The following DYNLL1 variants were observed in gnomAD, a reference collection of about 807,000 sequenced individuals.
DYNLL1 encodes dynein light chain LC8-type 1.
DYNLL1 carries 3 observed loss-of-function variants against 10.1 expected under a neutral mutation model. The observed-to-expected ratio is 0.30, with a 90% confidence interval of 0.14 to 0.77. The LOEUF (loss-of-function observed/expected upper bound fraction) is 0.77, where lower values mean the gene tolerates loss of function less well. Among genes scored for constraint, DYNLL1 ranks in the 30% least tolerant of loss-of-function variants. The probability of loss-of-function intolerance (pLI) is 0.66; values close to 1 mark genes in which losing one functional copy is unlikely to be tolerated. For missense variants in DYNLL1, 47 were observed against 111.7 expected (o/e 0.42, Z 2.61); for synonymous variants, 46 against 41.2 (o/e 1.12, Z -0.45).
upstream of DYNLL1, chr12:120,495,935 A>T (rs1868369780): frequency 4.8e-6 from 1 of 207,850 alleles, no homozygotes; most frequent in Non-Finnish European, 9.9e-6. Context: ...TGAGCGGTGC[A>T]TTGTGGTCTG....
intron 1 of DYNLL1, among the ~76,000 whole-genome samples, chr12:120,470,569 G>A (rs1016035439): frequency 6.6e-6 from 1 of 152,130 alleles, no homozygotes; most frequent in Non-Finnish European, 1.5e-5. Flanking sequence ...CTGGACTCAG[G>A]TGATCCTCCC....
chr12:120,484,163 A>G (rs370651802), intron 1 of DYNLL1, among the ~76,000 whole-genome samples: 1 of 152,122 alleles, frequency 6.6e-6, no homozygotes, highest in Non-Finnish European at 1.5e-5. Context: ...ATATGACAGC[A>G]TGTTTGCACG....
At chr12:120,487,209 G>A (rs944637193) in intron 1 of DYNLL1, among the ~76,000 whole-genome samples, 3 of 139,768 alleles carry the variant, frequency 2.1e-5, no homozygotes, top group African/African-American at 5.4e-5. Flanking sequence ...CTCTGACCTC[G>A]TGATCCACCC....
chr12:120,497,956 A>G (rs1868511997), intron 2 of DYNLL1, 117 bp from the exon 3 acceptor site: 1 of 1,005,040 alleles, frequency 9.9e-7, no homozygotes, highest in Non-Finnish European at 1.4e-6. Flanking sequence ...TTTCATTCTA[A>G]GAATTTGCAG....
intron 1 of DYNLL1, among the ~76,000 whole-genome samples, chr12:120,477,801 TA>T (rs1232433039): frequency 2.0e-5 from 3 of 151,588 alleles, no homozygotes; most frequent in South Asian, 4.2e-4. Flanking sequence ...AATATATATA[TA>T]TTTTTTTTTC....
chr12:120,473,596 G>A (rs1172494350), intron 1 of DYNLL1, among the ~76,000 whole-genome samples: 4 of 150,452 alleles, frequency 2.7e-5, no homozygotes, highest in African/African-American at 9.8e-5. Context: ...TTTGGAGGCT[G>A]AGGCAGGAGA....
In DYNLL1 at chr12:120,485,821, A is replaced by G. The variant is rs562817716; in HGVS notation, c.-6-10595A>G. Among the ~76,000 whole-genome samples, 481 of 147,192 alleles carry G rather than the reference A, an allele frequency of 3.3e-3. 3 individuals carry two copies. Among genetic ancestry groups the G allele is most frequent in the African/African-American group, 0.012 (466 of 39,550 alleles). On this transcript the variant is annotated intron_variant, in intron 1 of 2. Coordinates refer to the DYNLL1 transcript ENST00000392509. ...GCACCACTACACCCTAGCCTATTTGACAGAGTAAGTCCCTGTCTAAAAAAA... is the reference window on the plus strand; with the variant it reads ...GCACCACTACACCCTAGCCTATTTGGCAGAGTAAGTCCCTGTCTAAAAAAA...
At chr12:120,495,334 G>A (rs763728679), upstream of DYNLL1, 1 of 152,112 alleles carries the variant, frequency 6.6e-6, no homozygotes, top group Non-Finnish European at 1.5e-5. Flanking sequence ...AAAAACCCCG[G>A]GGCTCAACAC....
intron 1 of DYNLL1, among the ~76,000 whole-genome samples, chr12:120,485,503 C>T (rs1339091255): frequency 2.6e-5 from 4 of 151,868 alleles, no homozygotes; most frequent in Non-Finnish European, 4.4e-5. Flanking sequence ...ATCCACCTGC[C>T]TCGGCCTCCC....
upstream of DYNLL1, among the ~76,000 whole-genome samples, chr12:120,493,363 C>T: frequency 6.6e-6 from 1 of 151,814 alleles, no homozygotes; most frequent in East Asian, 1.9e-4. Context: ...CATGGCAAGA[C>T]CCTGTCTCTA....
intron 1 of DYNLL1, chr12:120,488,216 T>C: frequency 6.6e-6 from 1 of 152,362 alleles, no homozygotes. Context: ...GTCTTGTCTC[T>C]CCCACACTCC....
chr12:120,472,249 GTTT>G lies in DYNLL1; in HGVS notation c.-7+2148_-7+2150del, dbSNP rs1457035262. On this transcript the variant is annotated intron_variant, in intron 1 of 2. Transcript: ENST00000392509. ...ATCTCTTGATGGCAGTGATTTCTAT[GTTT>G]TTATTTATGCTTTTCTGTATTTCTC... Among the ~76,000 whole-genome samples the G allele has an allele frequency of 7.9e-5, 12 of 152,160 alleles. No homozygotes were observed. In the East Asian group the frequency reaches 9.6e-4, roughly 12 times the overall value.
At chr12:120,491,483 A>G (rs1879128748), upstream of DYNLL1, 1 of 152,232 alleles carries the variant, frequency 6.6e-6, no homozygotes, top group Non-Finnish European at 1.5e-5. Flanking sequence ...GTCACCTCAC[A>G]CTTCCTTTCA....
intron 2 of DYNLL1, chr12:120,496,772 T>C (rs1268652505): frequency 2.9e-4 from 187 of 647,966 alleles, no homozygotes; most frequent in Middle Eastern, 2.5e-3. Context: ...ATTACCCAGC[T>C]CCGCGGGGGG....
intron 1 of DYNLL1, among the ~76,000 whole-genome samples, chr12:120,474,917 T>C (rs530306175): frequency 6.6e-6 from 1 of 152,290 alleles, no homozygotes; most frequent in East Asian, 1.9e-4. Flanking sequence ...ACTTGTGTGA[T>C]GGAGTAAAAT....
chr12:120,471,644 A>T (rs1878653610), intron 1 of DYNLL1, among the ~76,000 whole-genome samples: 1 of 151,642 alleles, frequency 6.6e-6, no homozygotes, highest in South Asian at 2.1e-4. Context: ...GGAGTCTTAC[A>T]CTGTCACCCA....
chr12:120,489,667 T>C (rs1453146111), intron 1 of DYNLL1, among the ~76,000 whole-genome samples: 1 of 152,216 alleles, frequency 6.6e-6, no homozygotes, highest in Non-Finnish European at 1.5e-5. Context: ...TTGGCTCAAA[T>C]GGTGCCTTCT....
chr12:120,471,697 G>A (rs911820221), intron 1 of DYNLL1, among the ~76,000 whole-genome samples: 6 of 151,810 alleles, frequency 4.0e-5, no homozygotes, highest in African/African-American at 1.5e-4. Context: ...TGCAAGCTCC[G>A]CCTCCCAGGT....
chr12:120,498,006 T>C lies in DYNLL1; in HGVS notation c.133-67T>C. ...CCTTTCTGCCCCTACAGGCTCTGGC[T>C]TATCCAAGAGGCAAACACTGACCTC... On this transcript the variant is annotated intron_variant, in intron 2 of 2. Coordinates refer to ENST00000242577, the MANE Select transcript of DYNLL1 (RefSeq NM_003746.3). 4.6e-6 allele frequency: 7 copies of C among 1,516,138 alleles called. No homozygotes were observed. In the South Asian group the frequency reaches 8.7e-5, roughly 19 times the overall value. 93.9% of individuals were successfully genotyped at this position (1,516,138 alleles called of 1,614,324 possible).
Sources: allele counts gnomAD v4.1 joint callset (sites outside exome capture counted in the v4.1 genomes callset), GRCh38; gene constraint gnomAD v4.1.1; transcripts MANE v1.5; gene names NCBI Gene and HGNC (gene_info 2026-07-23, HGNC 2026-07-21).